GAK: variants seen among roughly 807,000 people sequenced by gnomAD.
The protein encoded by GAK is cyclin G associated kinase, also known as cyclin-G-associated kinase.
GAK carries 79 observed loss-of-function variants against 143.9 expected under a neutral mutation model. The observed-to-expected ratio is 0.55, with a 90% CI of 0.46 to 0.66. GAK has a LOEUF of 0.66. Ranked by LOEUF, GAK falls within the 30% of genes least tolerant of loss-of-function variation. The pLI is 0.00. For synonymous variants in GAK, 881 were observed against 765.5 expected, an observed-to-expected ratio of 1.15 and a Z score of -2.49; for missense variants, 1,693 against 1,779.7, an observed-to-expected ratio of 0.95 and a Z score of 0.88.
intron 4 of GAK, among the ~76,000 whole-genome samples, chr4:905,829 C>T (rs77609436): frequency 0.038 from 5,773 of 152,364 alleles, 158 homozygotes; most frequent in East Asian, 0.15. Context: ...CCCTGAGTGC[C>T]GCTCCCACCT....
rs1553889753 is a variant in GAK, at chr4:903,698, C to CG, written c.525+938dup. On this transcript the variant is annotated intron_variant, in intron 5 of 27. Coordinates refer to ENST00000314167, the MANE Select transcript of GAK (RefSeq NM_005255.4). ...AGTGCGGGGCCTATAGTGACACCAC[C>CG]GGGGGGCGGTGGGGGGGCGGCCGAG... 8.6e-3 allele frequency among the ~76,000 whole-genome samples: 775 copies of CG among 90,416 alleles called. 9 individuals carry two copies. Among genetic ancestry groups the CG allele is most frequent in the African/African-American group, 0.032 (738 of 23,036 alleles). The allele number at this position is 90,416 out of a possible 152,430, so 59.3% of individuals were successfully genotyped here.
At position 913,671 on chromosome 4, in the gene GAK, GA is replaced by G. The variant is rs909892979; in HGVS notation, c.146-4del. 1 of 1,611,638 alleles carries G rather than the reference GA, an allele frequency of 6.2e-7. No individual in the cohort carries two copies. Among genetic ancestry groups the G allele is most frequent in the Non-Finnish European group, 8.5e-7 (1 of 1,177,992 alleles). On this transcript the variant is annotated splice_polypyrimidine_tract_variant and splice_region_variant and intron_variant, in intron 1 of 27. Coordinates refer to ENST00000314167, the MANE Select transcript of GAK (RefSeq NM_005255.4). ...TTCATACACAAATGCAAACCCTCCTGAAAATTAAAAAGACTTGTCAGTTCAA... is the reference window on the plus strand; with the variant it reads ...TTCATACACAAATGCAAACCCTCCTGAAATTAAAAAGACTTGTCAGTTCAA...
rs111282250 is a variant in GAK, at chr4:930,632, C to T, written c.145+1411G>A. On this transcript the variant is annotated intron_variant, in intron 1 of 27. Transcript: ENST00000314167. ...AGTTCCAGAAAGCAAGTCCTGTCCA[C>T]AATAAACTTCTTAAAGAATGAAGAT... is the stretch of plus-strand genomic sequence containing the variant. Among the ~76,000 whole-genome samples, 68 of 151,868 alleles carry T rather than the reference C, an allele frequency of 4.5e-4. 2 individuals are homozygous for T. The highest frequency in any genetic ancestry group is 1.2e-3 in the African/African-American group (48 of 41,364).
Position 859,678 on chromosome 4 carries a change from G to C in GAK, c.3211C>G (p.Gln1071Glu). 1 of 1,601,918 alleles carries C rather than the reference G, an allele frequency of 6.2e-7. No homozygotes were observed. The highest frequency in any genetic ancestry group is 8.5e-7 in the Non-Finnish European group (1 of 1,169,870). The change falls in exon 24 of 28, where the codon CAG (glutamine) becomes GAG (glutamate). Residue 1071 changes from glutamine (Q) to glutamate (E), a missense_variant. Physicochemically the swap from Gln to Glu is conservative, Grantham distance 29 (BLOSUM62 2). Coordinates refer to ENST00000314167, the MANE Select transcript of GAK (RefSeq NM_005255.4). The part of the protein sequence containing the change: ...PGGQPAPCGS[Q>E]ASWTKSQNPD... ...TTCTGAGACTTGGTCCAGCTGGCCT[G>C]AGAGCCACAAGGGGCCGGCTGACCT...
chr4:849,996 C>T lies in GAK; in HGVS notation c.3730G>A (p.Asp1244Asn). 6.2e-7 allele frequency: 1 copy of T among 1,611,124 alleles called. No individual in the cohort carries two copies. The highest frequency in any genetic ancestry group is 8.5e-7 in the Non-Finnish European group (1 of 1,179,098). ...ACGGGCGTCCAGCGGCTCTCCCCGT[C>T]CCACAGCACTGTGTGCAGCGTGGAC... ...LLSTLHTVLW[D>N]GESRWTPVGM... The change falls in exon 27 of 28, where the codon GAC becomes AAC. Residue 1244 changes from aspartate to asparagine, a missense_variant. This residue lies in a region of GAK where 822 missense variants were observed against 788.7 expected (regional missense o/e 1.04). Transcript: ENST00000314167.
chr4:893,874 G>T lies in GAK; in HGVS notation c.877C>A (p.Arg293Ser). ...ACGCACGCATTCCACCGGGACTTAC[G>T]GATGAGGCTGTGGAAGACCGTGTAC... is the stretch of plus-strand genomic sequence containing the variant. ...TQYTVFHSLI[R>S]AMLQVNPEER... Residue 293 changes from arginine to serine, a missense_variant and splice_region_variant, in exon 8 of 28, where the codon CGC becomes AGC. Transcript: ENST00000314167. The T allele has an allele frequency of 6.3e-7, 1 of 1,584,588 alleles. No individual in the cohort carries two copies.
chr4:849,355 A>T lies in GAK; in HGVS notation c.*318T>A, dbSNP rs756282877. The T allele has an allele frequency of 9.4e-6, 4 of 425,644 alleles. No individual in the cohort carries two copies. Among genetic ancestry groups the T allele is most frequent in the African/African-American group, 7.9e-5 (4 of 50,330 alleles). 26.4% of individuals were successfully genotyped at this position (425,644 alleles called of 1,614,324 possible). A position where few individuals can be genotyped will look rare whatever the true frequency, so the allele number is the denominator to read the frequency against. ...TGCGGTGCAAACACCAGGGCCCATGAGCGCCAGCAGCGTGGCCCACCACGT... is the reference window on the plus strand; with the variant it reads ...TGCGGTGCAAACACCAGGGCCCATGTGCGCCAGCAGCGTGGCCCACCACGT... On this transcript the variant is annotated 3_prime_UTR_variant, in exon 28 of 28. Transcript: ENST00000314167.
At chr4:896,242 C>G (rs1718743737) in intron 7 of GAK, among the ~76,000 whole-genome samples, 1 of 152,178 alleles carries the variant, frequency 6.6e-6, no homozygotes, top group African/African-American at 2.4e-5. Flanking sequence ...TGCACTCCAG[C>G]CTGGGTGACA....
rs1717435774 is a variant in GAK at position 890,572 on chromosome 4, T to C, written c.1041A>G (p.Pro347=). The change falls in exon 10 of 28, where the codon CCA becomes CCG. Residue 347 remains proline, a synonymous_variant. Transcript: ENST00000314167. ...GYGSATLSRG[P]PPPVGPAGSG... is the part of the protein sequence containing the mutation. ...TGCCAGCGGGGCCCACGGGAGGGGG[T>C]GGCCCTCGGGACAGTGTGGCGCTCC... 7 of 1,610,842 alleles carry C rather than the reference T, an allele frequency of 4.3e-6. No individual in the cohort carries two copies. Among genetic ancestry groups the C allele is most frequent in the Non-Finnish European group, 5.9e-6 (7 of 1,179,172 alleles).
rs142966472 is a variant in GAK, at chr4:851,780, C to T, written c.3478G>A (p.Glu1160Lys). The T allele has an allele frequency of 1.9e-6, 3 of 1,613,018 alleles. No individual in the cohort carries two copies. The highest frequency in any genetic ancestry group is 3.3e-5 in the Admixed American group (2 of 59,868). ...ASNFSVIGAR[E>K]ERGVRAPSFA... ...CTGGGTGCGCGGACCCCCCGCTCCT[C>T]CCGCGCCCCGATCACACTGAAGTTC... Residue 1160 changes from glutamate (E) to lysine (K), a missense_variant, in exon 25 of 28, where the codon GAG becomes AAG. Physicochemically the swap from Glu to Lys is moderately conservative, Grantham distance 56. Transcript: ENST00000314167.
In GAK at chr4:859,190, C is replaced by T. The variant is rs1016053889; in HGVS notation, c.3283+416G>A. 1.1e-5 allele frequency: 11 copies of T among 985,328 alleles called. No homozygotes were observed. In the African/African-American group the frequency reaches 1.7e-4, roughly 16 times the overall value. The allele number at this position is 985,328 out of a possible 1,614,324, so 61.0% of individuals were successfully genotyped here. ...TCAGACCACAGCGCCCGGGCCGGGCCTGAGGCAGACGCAGGACTGGAGAGG... is the reference window on the plus strand; with the variant it reads ...TCAGACCACAGCGCCCGGGCCGGGCTTGAGGCAGACGCAGGACTGGAGAGG... On this transcript the variant is annotated intron_variant, in intron 24 of 27. Transcript: ENST00000314167.
Position 893,915 on chromosome 4 carries a change from G to T in GAK, c.836C>A (p.Pro279His). 1 of 1,612,214 alleles carries T rather than the reference G, an allele frequency of 6.2e-7. No individual in the cohort carries two copies. The highest frequency in any genetic ancestry group is 1.3e-5 in the African/African-American group (1 of 75,038). Residue 279 changes from proline to histidine, a missense_variant, in exon 8 of 28, where the codon CCC becomes CAC. Around this residue, in one of 2 missense-constraint regions of GAK, gnomAD observed 871 missense variants for 991.0 expected, o/e 0.88. Coordinates refer to ENST00000314167, the MANE Select transcript of GAK (RefSeq NM_005255.4). The part of the protein sequence containing the change: ...LRIVNGKYSI[P>H]PHDTQYTVFH... ...GACCGTGTACTGCGTGTCGTGCGGG[G>T]GGATCGAGTACTTCCCATTGACTAT...
At chr4:862,003 A>G (rs1183283603) in intron 23 of GAK, among the ~76,000 whole-genome samples, 1 of 152,270 alleles carries the variant, frequency 6.6e-6, no homozygotes, top group Non-Finnish European at 1.5e-5. Flanking sequence ...AAGGTGAAGC[A>G]GCAAGCGCTG....
intron 20 of GAK, among the ~76,000 whole-genome samples, chr4:868,031 G>C (rs1326091776): frequency 6.6e-6 from 1 of 152,240 alleles, no homozygotes; most frequent in Non-Finnish European, 1.5e-5. Context: ...GAGCCCGATG[G>C]GAAGGCCAGG....
rs373690913 is a variant in GAK, at chr4:868,592, G to A, written c.2342C>T (p.Pro781Leu). 1.3e-4 allele frequency: 210 copies of A among 1,603,574 alleles called. No individual in the cohort carries two copies. The highest frequency in any genetic ancestry group is 1.9e-4 in the South Asian group (17 of 89,354). The change falls in exon 20 of 28, where the codon CCG becomes CTG. Residue 781 changes from proline (P) to leucine (L), a missense_variant. This residue lies in a region of GAK where 822 missense variants were observed against 788.7 expected (regional missense o/e 1.04). Coordinates refer to ENST00000314167, the MANE Select transcript of GAK (RefSeq NM_005255.4). ...PEAEPTDSDS[P>L]PSSSADASRF... ...ACTGGCGTCCGCGCTGCTGCTTGGC[G>A]GTGAGTCAGAGTCTGTGGGTTCGGC...
At chr4:858,056 T>C (rs1435574201) in intron 24 of GAK, among the ~76,000 whole-genome samples, 1 of 152,218 alleles carries the variant, frequency 6.6e-6, no homozygotes, top group Non-Finnish European at 1.5e-5. Context: ...TTCCGTTCTA[T>C]TTCATTGTGG....
chr4:850,715 C>A, intron 26 of GAK: 1 of 297,028 alleles, frequency 3.4e-6, no homozygotes, highest in Non-Finnish European at 6.3e-6. Flanking sequence ...CTGACTCTGC[C>A]CTGCCCCCCT....
chr4:879,184 T>G (rs918774536), intron 15 of GAK, among the ~76,000 whole-genome samples: 2 of 152,094 alleles, frequency 1.3e-5, no homozygotes, highest in African/African-American at 4.8e-5. Context: ...CATGTAGCAA[T>G]GACTAGTACG....
intron 5 of GAK, among the ~76,000 whole-genome samples, chr4:898,722 G>C (rs1429995512): frequency 1.3e-5 from 2 of 152,180 alleles, no homozygotes; most frequent in Admixed American, 1.3e-4. Context: ...AATTAGCCAG[G>C]CATGGTGGCG....
Sources: allele counts gnomAD v4.1 joint callset (sites outside exome capture counted in the v4.1 genomes callset), GRCh38; gene constraint gnomAD v4.1.1; regional missense constraint gnomAD v4.1.1; transcripts MANE v1.5; gene names NCBI Gene and HGNC (gene_info 2026-07-23, HGNC 2026-07-21).